Variants in MYO1A observed in about 807,000 individuals in gnomAD.
The protein encoded by MYO1A is unconventional myosin-Ia.
In MYO1A, 127 loss-of-function variants were observed where a neutral mutation model predicts 138.5. That is an observed-to-expected ratio of 0.92 (90% confidence interval 0.79 to 1.06). MYO1A has a LOEUF of 1.06. MYO1A is among the 50% of genes least tolerant of loss of function. MYO1A has a pLI of 0.00. For synonymous variants in MYO1A, 477 were observed against 497.5 expected (o/e 0.96, Z 0.55); for missense variants, 1,211 against 1,288.8 (o/e 0.94, Z 0.92).
At chr12:57,048,886 C>T (rs756719694) in intron 1 of MYO1A, among the ~76,000 whole-genome samples, 2 of 152,208 alleles carry the variant, frequency 1.3e-5, no homozygotes, top group African/African-American at 2.4e-5. Flanking sequence ...CTCTCCTTCC[C>T]TGTCATTGCT....
intron 1 of MYO1A, 74 bp from the exon 2 acceptor site, chr12:57,048,417 CAGA>C (rs2031216954): frequency 1.1e-6 from 1 of 884,840 alleles, no homozygotes; most frequent in Admixed American, 2.0e-5. Context: ...GGGAGGATGG[CAGA>C]AGGACCAAAA....
chr12:57,045,876 G>A lies in MYO1A; in HGVS notation c.640+676C>T, dbSNP rs536128904. ...TTCTGCTCTTATAGCCAGCTGCACA[G>A]GCCTGATGGCCCCGATCACACAATA... On this transcript the variant is annotated intron_variant, in intron 8 of 27. Transcript: ENST00000300119. Among the ~76,000 whole-genome samples the A allele has an allele frequency of 4.6e-5, 7 of 151,404 alleles. No individual in the cohort carries two copies. In the East Asian group the frequency reaches 1.4e-3, roughly 29 times the overall value.
At chr12:57,034,885 G>A (rs2030457540) in intron 22 of MYO1A, among the ~76,000 whole-genome samples, 1 of 152,162 alleles carries the variant, frequency 6.6e-6, no homozygotes, top group African/African-American at 2.4e-5. Context: ...ATAATCACTT[G>A]AACCTGGGAG....
At position 57,038,975 on chromosome 12, in the gene MYO1A, T is replaced by C. The variant is rs144075028; in HGVS notation, c.1367A>G (p.Glu456Gly). Residue 456 changes from glutamate (E) to glycine (G), a missense_variant, in exon 16 of 28, where the codon GAG (glutamate) becomes GGG (glycine). Glu to Gly is a moderately conservative substitution (Grantham distance 98, BLOSUM62 -2). Transcript: ENST00000300119. ...QRGILAMLDEECLRPGVVSDS... is the reference protein window; with the variant it reads ...QRGILAMLDEGCLRPGVVSDS... ...ACTGACCACCCCAGGCCGCAGGCAC[T>C]CCTCATCCAACATGGCCAGGATACC... The C allele has an allele frequency of 2.7e-4, 434 of 1,614,122 alleles. 1 individual carries two copies. In the East Asian group the frequency reaches 7.0e-3, roughly 26 times the overall value.
chr12:57,031,118 G>A lies in MYO1A; in HGVS notation c.2406C>T (p.Asp802=), dbSNP rs150587673. 1.7e-4 allele frequency: 274 copies of A among 1,614,164 alleles called. No homozygotes were observed. The African/African-American group carries it at 3.4e-3, about 20-fold the overall frequency. The change falls in exon 23 of 28, where the codon GAC becomes GAT. Residue 802 remains aspartate (D), a synonymous_variant. Coordinates refer to ENST00000300119, the MANE Select transcript of MYO1A (RefSeq NM_005379.4). The part of the protein sequence containing the change: ...KNNLPSTNVL[D]KTWPAAPYKC... ...TGTAGGGGGCGGCTGGCCATGTCTT[G>A]TCTAAGACGTTTGTGGATGGCAAAT... is the stretch of plus-strand genomic sequence containing the variant.
In MYO1A at chr12:57,036,936, C is replaced by G. The variant is rs754982813; in HGVS notation, c.2205+6G>C. On this transcript the variant is annotated splice_donor_region_variant and intron_variant, in intron 20 of 27. Coordinates refer to ENST00000300119, the MANE Select transcript of MYO1A (RefSeq NM_005379.4). ...GAACAGAGTGGGACTTTGGGGATGA[C>G]CGTACCATGTTTCCCCGAAACCAAG... The G allele has an allele frequency of 1.2e-6, 2 of 1,614,212 alleles. No homozygotes were observed. Among genetic ancestry groups the G allele is most frequent in the South Asian group, 2.2e-5 (2 of 91,082 alleles).
intron 2 of MYO1A, 49 bp downstream of exon 2, chr12:57,048,161 A>G (rs776580980): frequency 1.9e-6 from 3 of 1,594,794 alleles, no homozygotes; most frequent in Non-Finnish European, 8.6e-7. Context: ...GGAGCCTGTG[A>G]CCTCTCCAGC....
rs2030615043 is a variant in MYO1A, at chr12:57,037,531, T to C, written c.2055+17A>G. On this transcript the variant is annotated intron_variant, in intron 19 of 27. Transcript: ENST00000300119. The stretch of plus-strand genomic sequence containing the variant: ...ACCTTCTACCCTCACCAAATGCTAA[T>C]GCACTCTCTAACTCACAGTCTTGGG... 3 of 1,611,220 alleles carry C rather than the reference T, an allele frequency of 1.9e-6. No individual in the cohort carries two copies. The highest frequency in any genetic ancestry group is 1.7e-6 in the Non-Finnish European group (2 of 1,177,358).
At chr12:57,043,502 C>A in intron 10 of MYO1A, 144 bp from the exon 11 acceptor site, 1 of 818,258 alleles carries the variant, frequency 1.2e-6, no homozygotes, top group South Asian at 1.4e-5. Context: ...CAGAACATGG[C>A]CCTGGAGGAA....
At chr12:57,043,418 T>C (rs1032382200) in intron 10 of MYO1A, 60 bp from the exon 11 acceptor site, 2 of 1,504,384 alleles carry the variant, frequency 1.3e-6, no homozygotes, top group Non-Finnish European at 1.8e-6. Context: ...GGGGAGGGAG[T>C]GCAATCTGAT....
intron 22 of MYO1A, among the ~76,000 whole-genome samples, chr12:57,034,850 T>C (rs888991485): frequency 6.6e-6 from 1 of 151,800 alleles, no homozygotes; most frequent in African/African-American, 2.4e-5. Flanking sequence ...ATGCCTGTAA[T>C]CCCAGCTCAG....
intron 5 of MYO1A, 56 bp downstream of exon 5, chr12:57,047,247 T>G (rs1202618400): frequency 6.3e-7 from 1 of 1,583,796 alleles, no homozygotes; most frequent in Non-Finnish European, 8.7e-7. Context: ...GGTCTAGGGC[T>G]CAGTGATTCT....
intron 19 of MYO1A, 35 bp from the exon 20 acceptor site, chr12:57,037,126 G>C: frequency 6.2e-7 from 1 of 1,613,002 alleles, no homozygotes; most frequent in South Asian, 1.1e-5. Context: ...CAGAGAGACT[G>C]GCTCAGGGGA....
Position 57,038,497 on chromosome 12 carries a change from G to C in MYO1A, c.1675C>G (p.Arg559Gly). The change falls in exon 17 of 28, where the codon CGC (arginine) becomes GGC (glycine). Residue 559 changes from arginine to glycine, a missense_variant. By Grantham distance (125) the Arg-to-Gly change is moderately radical. Transcript: ENST00000300119. ...AACTGGGCCCCAGCAGTCGGGGGGC[G>C]TTTGAGAGATGCCTGCTTAGGATTG... is the stretch of plus-strand genomic sequence containing the variant. The part of the protein sequence containing the change: ...EGNPKQASLK[R>G]PPTAGAQFKS... 6.2e-7 allele frequency: 1 copy of C among 1,614,222 alleles called. No homozygotes were observed. The highest frequency in any genetic ancestry group is 8.5e-7 in the Non-Finnish European group (1 of 1,180,040).
Position 57,029,802 on chromosome 12 carries a change from C to T in MYO1A, c.2662G>A (p.Gly888Arg), listed in dbSNP as rs1173369484. 1.2e-5 allele frequency: 20 copies of T among 1,614,112 alleles called. No individual in the cohort carries two copies. The highest frequency in any genetic ancestry group is 2.2e-5 in the East Asian group (1 of 44,892). ...GCCATCAGAACAGGCCCCTCCTCCC[C>T]GCCTTTCAGCTTCTGCAGCTTGGGG... Reference protein sequence around the residue: ...GNPKLQKLKGGEEGPVLMAEA... With the variant: ...GNPKLQKLKGREEGPVLMAEA... The change falls in exon 25 of 28, where the codon GGG becomes AGG. Residue 888 changes from glycine (G) to arginine (R), a missense_variant. Physicochemically the swap from Gly to Arg is moderately radical, Grantham distance 125. Transcript: ENST00000300119.
chr12:57,030,299 A>G lies in MYO1A; in HGVS notation c.2502T>C (p.Asp834=). Residue 834 remains aspartate, a synonymous_variant, in exon 24 of 28, where the codon GAT becomes GAC. Coordinates refer to ENST00000300119, the MANE Select transcript of MYO1A (RefSeq NM_005379.4). ...TCTCTACCTGCTTCGGGGACAGCTGATCCCGGAACCTCTTGCACTGTGAGG... is the reference window on the plus strand; with the variant it reads ...TCTCTACCTGCTTCGGGGACAGCTGGTCCCGGAACCTCTTGCACTGTGAGG... ...FYQWKCKRFR[D]QLSPKQVEIL... is the part of the protein sequence containing the mutation. The G allele has an allele frequency of 6.2e-7, 1 of 1,613,922 alleles. No individual in the cohort carries two copies. The highest frequency in any genetic ancestry group is 8.5e-7 in the Non-Finnish European group (1 of 1,179,898).
intron 1 of MYO1A, among the ~76,000 whole-genome samples, chr12:57,049,014 C>T (rs553258093): frequency 1.3e-5 from 2 of 152,368 alleles, no homozygotes; most frequent in South Asian, 4.2e-4. Context: ...GGGTTTGCTT[C>T]CCCAACAAAC....
Position 57,043,964 on chromosome 12 carries a change from G to C in MYO1A, c.784C>G (p.Arg262Gly), listed in dbSNP as rs138607619. ...ATGGATGTCACCTCTAGCACTTGTC[G>C]AATCTCCTCCTCCGAGAACCCAATC... ...AVIGFSEEEI[R>G]QVLEVTSMVL... The change falls in exon 10 of 28, where the codon CGA becomes GGA. Residue 262 changes from arginine (R) to glycine (G), a missense_variant. Physicochemically the swap from Arg to Gly is moderately radical, Grantham distance 125. Coordinates refer to ENST00000300119, the MANE Select transcript of MYO1A (RefSeq NM_005379.4). The C allele has an allele frequency of 8.1e-6, 13 of 1,613,974 alleles. No homozygotes were observed. Among genetic ancestry groups the C allele is most frequent in the African/African-American group, 1.3e-5 (1 of 74,896 alleles).
In MYO1A at chr12:57,029,536, T is replaced by G. The variant is rs2030159098; in HGVS notation, c.2776A>C (p.Thr926Pro). The G allele has an allele frequency of 1.9e-6, 3 of 1,614,166 alleles. No homozygotes were observed. The South Asian group carries it at 3.3e-5, about 18-fold the overall frequency. ...ACAATTTTGGCCTGGGACTTCTTGGTGTCTGTGAGAATCACATGGCCCTTG... is the reference window on the plus strand; with the variant it reads ...ACAATTTTGGCCTGGGACTTCTTGGGGTCTGTGAGAATCACATGGCCCTTG... ...LTKGHVILTD[T>P]KKSQAKIVIG... The change falls in exon 26 of 28, where the codon ACC (threonine) becomes CCC (proline). Residue 926 changes from threonine (T) to proline (P), a missense_variant. Physicochemically the swap from Thr to Pro is conservative, Grantham distance 38. Transcript: ENST00000300119.
Sources: allele counts gnomAD v4.1 joint callset (sites outside exome capture counted in the v4.1 genomes callset), GRCh38; gene constraint gnomAD v4.1.1; transcripts MANE v1.5; gene names NCBI Gene and HGNC (gene_info 2026-07-23, HGNC 2026-07-21).